LOC400499: variants seen among roughly 807,000 people sequenced by gnomAD.
chr16:11,476,799 G>C, the LOC400499 span: 1 of 399,288 alleles, frequency 2.5e-6, no homozygotes, highest in Non-Finnish European at 4.4e-6. Flanking sequence ...CCTCAGGCGT[G>C]TTCAGATGCA....
chr16:11,447,903 G>C, the LOC400499 span: 1 of 1,523,818 alleles, frequency 6.6e-7, no homozygotes, highest in Non-Finnish European at 8.8e-7. Context: ...AACTTGCAGG[G>C]GTGTCAGCTG....
the LOC400499 span, among the ~76,000 whole-genome samples, chr16:11,481,235 T>C: frequency 1.3e-5 from 2 of 152,218 alleles, no homozygotes; most frequent in Non-Finnish European, 2.9e-5. Context: ...ACGGGTGCAG[T>C]GTCTCTTTTG....
chr16:11,435,869 G>A, the LOC400499 span: 1 of 399,254 alleles, frequency 2.5e-6, no homozygotes, highest in Non-Finnish European at 4.4e-6. Context: ...GCGCCCGGCA[G>A]CTGCCTGCAC....
the LOC400499 span, chr16:11,391,835 G>A: frequency 0.21 from 255,080 of 1,229,832 alleles, 28,410 homozygotes; most frequent in Non-Finnish European, 0.23. Flanking sequence ...GGCCTGCCAC[G>A]CCGTCCAGGG....
the LOC400499 span, among the ~76,000 whole-genome samples, chr16:11,414,040 G>A: frequency 6.6e-6 from 1 of 152,200 alleles, no homozygotes; most frequent in Non-Finnish European, 1.5e-5. Flanking sequence ...GCACAGGGCA[G>A]GGCTTGACAA....
chr16:11,373,005 A>G, the LOC400499 span, among the ~76,000 whole-genome samples: 1 of 152,234 alleles, frequency 6.6e-6, no homozygotes, highest in South Asian at 2.1e-4. Flanking sequence ...GCATCTGTGG[A>G]GTGCTCACTC....
the LOC400499 span, among the ~76,000 whole-genome samples, chr16:11,496,242 T>C: frequency 6.6e-6 from 1 of 152,192 alleles, no homozygotes; most frequent in African/African-American, 2.4e-5. Flanking sequence ...AATTTTTGTA[T>C]TTTTAGTAGA....
At chr16:11,526,781 G>A in the LOC400499 span, among the ~76,000 whole-genome samples, 4 of 152,008 alleles carry the variant, frequency 2.6e-5, no homozygotes, top group East Asian at 1.9e-4. Flanking sequence ...GCATGATCTC[G>A]GCTCACTGCA....
At chr16:11,433,595 G>A in the LOC400499 span, among the ~76,000 whole-genome samples, 1 of 152,214 alleles carries the variant, frequency 6.6e-6, no homozygotes, top group Non-Finnish European at 1.5e-5. Flanking sequence ...CTAATGAGGT[G>A]ACTCTTGGTG....
the LOC400499 span, chr16:11,501,065 T>G: frequency 5.1e-6 from 2 of 396,022 alleles, no homozygotes; most frequent in East Asian, 3.6e-5. Context: ...AGAGGTACGG[T>G]GCAGACATGC....
At chr16:11,473,882 A>G in the LOC400499 span, among the ~76,000 whole-genome samples, 10 of 152,212 alleles carry the variant, frequency 6.6e-5, no homozygotes, top group African/African-American at 1.2e-4. Context: ...TAGAGACAGA[A>G]TCCTCCTTGG....
chr16:11,462,549 C>T, the LOC400499 span: 1 of 505,200 alleles, frequency 2.0e-6, no homozygotes. Context: ...CCTGCCTCAG[C>T]CTCCCTGGGA....
the LOC400499 span, among the ~76,000 whole-genome samples, chr16:11,411,855 CTTTTTTTT>C: frequency 8.7e-4 from 126 of 144,310 alleles, no homozygotes; most frequent in African/African-American, 3.0e-3. Flanking sequence ...TTCTCTTTTT[CTTTTTTTT>C]TTTTTCCTTC....
At chr16:11,483,149 C>T in the LOC400499 span, among the ~76,000 whole-genome samples, 1 of 152,160 alleles carries the variant, frequency 6.6e-6, no homozygotes, top group African/African-American at 2.4e-5. Context: ...ATTAAAAAGT[C>T]TAACCATATC....
chr16:11,492,551 G>A, the LOC400499 span, among the ~76,000 whole-genome samples: 14 of 151,834 alleles, frequency 9.2e-5, no homozygotes, highest in African/African-American at 1.5e-4. Context: ...TTGGGAAGCC[G>A]AGCTGGGAGG....
chr16:11,479,006 C>A, the LOC400499 span, among the ~76,000 whole-genome samples: 1 of 152,220 alleles, frequency 6.6e-6, no homozygotes, highest in East Asian at 1.9e-4. Flanking sequence ...CCTCCCCAGT[C>A]AGTTGGAACT....
the LOC400499 span, chr16:11,436,022 G>A: frequency 1.3e-5 from 5 of 397,312 alleles, no homozygotes; most frequent in Admixed American, 1.3e-4. Context: ...CAATTAAGAG[G>A]AGAAATGAGA....
chr16:11,398,575 T>G, the LOC400499 span: 6 of 1,171,734 alleles, frequency 5.1e-6, no homozygotes, highest in Non-Finnish European at 6.4e-6. Context: ...CCAGCTGCAG[T>G]TGGAGACCCT....
the LOC400499 span, chr16:11,393,657 GGCT>G: frequency 1.9e-6 from 2 of 1,044,444 alleles, no homozygotes; most frequent in Non-Finnish European, 2.4e-6. Context: ...TGGCTGGGGA[GGCT>G]GCTGTTGGAC....
Sources: allele counts gnomAD v4.1 joint callset (sites outside exome capture counted in the v4.1 genomes callset), GRCh38; gene constraint gnomAD v4.1.1; transcripts MANE v1.5.